Variants in FAAH2 observed in about 807,000 individuals in gnomAD.
FAAH2 encodes fatty acid amide hydrolase 2.
Under a neutral mutation model 36.9 loss-of-function variants are expected in FAAH2, and 60 were observed. That is an observed-to-expected ratio of 1.63 (90% CI 1.32 to 2.02). The LOEUF is 2.02. Among genes scored for constraint, FAAH2 ranks in the 30% most tolerant of loss-of-function variants. FAAH2 has a pLI of 0.00. For missense variants in FAAH2, 689 were observed against 397.5 expected (o/e 1.73, Z -6.23); for synonymous variants, 214 against 143.8 (o/e 1.49, Z -3.49).
chrX:57,201,877 C>A, the FAAH2 span, among the ~76,000 whole-genome samples: 4 of 111,478 alleles, frequency 3.6e-5, no homozygotes, highest in African/African-American at 6.5e-5. Flanking sequence ...AGCCTGTCTT[C>A]TAGCTTAGTA....
At chrX:57,393,470 A>G in intron 7 of FAAH2, 12 of 932,147 alleles carry the variant, frequency 1.3e-5, no homozygotes, top group Non-Finnish European at 1.9e-5. Flanking sequence ...TTCTGGGCCA[A>G]CAAGCTAGAG....
the FAAH2 span, among the ~76,000 whole-genome samples, chrX:57,232,537 G>A: frequency 1.8e-5 from 2 of 112,127 alleles, no homozygotes; most frequent in African/African-American, 6.5e-5. Flanking sequence ...CAGAATATGG[G>A]AGGAGACTAC....
chrX:57,248,319 C>A, the FAAH2 span, among the ~76,000 whole-genome samples: 1 of 111,590 alleles, frequency 9.0e-6, no homozygotes, highest in Non-Finnish European at 1.9e-5. Context: ...GTCATCTGAA[C>A]CTATAGAGAT....
intron 8 of FAAH2, among the ~76,000 whole-genome samples, chrX:57,434,396 G>C (rs960203762): frequency 1.8e-5 from 2 of 109,966 alleles, no homozygotes; most frequent in Non-Finnish European, 3.8e-5. Context: ...AATTTGTAAA[G>C]CAATACAAAT....
chrX:57,384,558 A>G lies in FAAH2; in HGVS notation c.996+3529A>G, dbSNP rs1181379663. ...TCAAAAGAAGACATTTATGCAGCCA[A>G]AAGACACATGAAAAAATACTCATCA... On this transcript the variant is annotated intron_variant, in intron 7 of 10. Coordinates refer to ENST00000374900, the MANE Select transcript of FAAH2 (RefSeq NM_174912.4). Among the ~76,000 whole-genome samples the G allele has an allele frequency of 3.6e-5, 4 of 111,677 alleles. No homozygotes were observed. The Admixed American group carries it at 3.8e-4, about 11-fold the overall frequency.
At chrX:57,122,737 T>C in the FAAH2 span, among the ~76,000 whole-genome samples, 11 of 112,128 alleles carry the variant, frequency 9.8e-5, no homozygotes, top group South Asian at 3.7e-4. Flanking sequence ...TTCAGATACT[T>C]ATGGTATTTG....
chrX:57,259,880 A>T, the FAAH2 span, among the ~76,000 whole-genome samples: 1 of 111,982 alleles, frequency 8.9e-6, no homozygotes, highest in East Asian at 2.8e-4. Flanking sequence ...TCTGTAGGAC[A>T]ATCTTCCTTT....
chrX:57,453,804 G>A (rs2056824243), intron 10 of FAAH2, among the ~76,000 whole-genome samples: 1 of 112,097 alleles, frequency 8.9e-6, no homozygotes, highest in Admixed American at 9.4e-5. Context: ...AGGACTTGGT[G>A]GTGGCCAAGC....
intron 3 of FAAH2, among the ~76,000 whole-genome samples, chrX:57,311,242 T>C (rs2052684231): frequency 8.9e-6 from 1 of 112,422 alleles, no homozygotes; most frequent in African/African-American, 3.2e-5. Context: ...AATATAATAA[T>C]ATAACAAAAC....
chrX:57,394,211 G>A (rs2055236969), intron 7 of FAAH2: 1 of 664,666 alleles, frequency 1.5e-6, no homozygotes, highest in South Asian at 2.2e-5. Context: ...GCCCTGAGAA[G>A]GCTGTCGCAC....
At chrX:57,123,988 G>A in the FAAH2 span, among the ~76,000 whole-genome samples, 3 of 111,669 alleles carry the variant, frequency 2.7e-5, no homozygotes, top group South Asian at 7.5e-4. Flanking sequence ...CTTTTGCTGT[G>A]CAGAAGCTCT....
chrX:57,429,713 A>G (rs1165966205), intron 7 of FAAH2, among the ~76,000 whole-genome samples: 1 of 110,827 alleles, frequency 9.0e-6, no homozygotes, highest in Admixed American at 9.6e-5. Flanking sequence ...TTTATACAAA[A>G]GGATATCTAC....
At chrX:57,468,560 A>G (rs1416549634) in intron 10 of FAAH2, among the ~76,000 whole-genome samples, 1 of 111,913 alleles carries the variant, frequency 8.9e-6, no homozygotes, top group Admixed American at 9.5e-5. Context: ...AAATAGTAAA[A>G]AGAAATGAAG....
At chrX:57,203,846 C>T in the FAAH2 span, among the ~76,000 whole-genome samples, 5 of 111,649 alleles carry the variant, frequency 4.5e-5, no homozygotes, top group Admixed American at 4.8e-4. Flanking sequence ...CTTCTAGATG[C>T]TTTTTTATTC....
the FAAH2 span, among the ~76,000 whole-genome samples, chrX:57,185,887 G>T: frequency 9.0e-6 from 1 of 111,230 alleles, no homozygotes; most frequent in Non-Finnish European, 1.9e-5. Context: ...GGACATAAAG[G>T]ACATGAACTC....
the FAAH2 span, among the ~76,000 whole-genome samples, chrX:57,147,744 T>C: frequency 1.8e-5 from 2 of 111,783 alleles, no homozygotes; most frequent in Non-Finnish European, 3.8e-5. Flanking sequence ...TCCCAGAAAT[T>C]TATAGGTTCT....
At chrX:57,412,825 T>C (rs1209933891) in intron 7 of FAAH2, among the ~76,000 whole-genome samples, 6 of 112,072 alleles carry the variant, frequency 5.4e-5, no homozygotes, top group Middle Eastern at 4.6e-3. Flanking sequence ...GTTGAACTAA[T>C]TGATACTCCA....
chrX:57,197,275 A>G, the FAAH2 span, among the ~76,000 whole-genome samples: 1 of 110,395 alleles, frequency 9.1e-6, no homozygotes, highest in Non-Finnish European at 1.9e-5. Context: ...CCTTATCTGT[A>G]TTATTTGTTC....
chrX:57,252,286 T>C, the FAAH2 span, among the ~76,000 whole-genome samples: 1 of 112,731 alleles, frequency 8.9e-6, no homozygotes. Flanking sequence ...GTACTGCCTT[T>C]CTAGATTCCA....
Sources: gnomAD v4.1 joint callset for allele counts (sites outside exome capture counted in the v4.1 genomes callset) on GRCh38, gnomAD v4.1.1 for gene constraint, MANE v1.5 for transcripts, NCBI Gene and HGNC (gene_info 2026-07-23, HGNC 2026-07-21) for gene names.